CPA6: variants seen among roughly 807,000 people sequenced by gnomAD.
The protein encoded by CPA6 is carboxypeptidase B.
Under a neutral mutation model 63.3 loss-of-function variants are expected in CPA6, and 58 were observed. The observed-to-expected ratio is 0.92, with a 90% CI of 0.74 to 1.14. The LOEUF (loss-of-function observed/expected upper bound fraction) is 1.14. Among genes scored for constraint, CPA6 ranks in the 50% most tolerant of loss-of-function variants. CPA6 has a pLI of 0.00. For synonymous variants in CPA6, 185 were observed against 179.0 expected, an observed-to-expected ratio of 1.03 and a Z score of -0.27; for missense variants, 565 against 526.6, an observed-to-expected ratio of 1.07 and a Z score of -0.71.
intron 2 of CPA6, among the ~76,000 whole-genome samples, chr8:67,555,415 T>C (rs963727610): frequency 1.3e-5 from 2 of 152,070 alleles, no homozygotes; most frequent in African/African-American, 4.8e-5. Flanking sequence ...GAGCTTAGAG[T>C]TGATGAACAT....
chr8:67,716,299 A>C (rs1817380100), intron 1 of CPA6, among the ~76,000 whole-genome samples: 1 of 152,200 alleles, frequency 6.6e-6, no homozygotes, highest in Non-Finnish European at 1.5e-5. Flanking sequence ...TCTAAGTCAC[A>C]GAATGAGATA....
intron 2 of CPA6, among the ~76,000 whole-genome samples, chr8:67,595,665 G>A (rs545221864): frequency 4.6e-5 from 7 of 152,322 alleles, no homozygotes; most frequent in East Asian, 3.9e-4. Context: ...GCGAGACTCC[G>A]TGGGTGTAGG....
chr8:67,736,215 C>A (rs573548822), intron 1 of CPA6, among the ~76,000 whole-genome samples: 2 of 152,308 alleles, frequency 1.3e-5, no homozygotes, highest in East Asian at 3.9e-4. Flanking sequence ...ATTTCTACCA[C>A]CTGGTGTAAA....
intron 1 of CPA6, among the ~76,000 whole-genome samples, chr8:67,645,690 G>T (rs10957394): frequency 6.6e-6 from 1 of 151,986 alleles, no homozygotes; most frequent in Admixed American, 6.5e-5. Flanking sequence ...TTTAAAGCAC[G>T]TAATACCTTT....
intron 3 of CPA6, among the ~76,000 whole-genome samples, chr8:67,513,086 A>G (rs1347893791): frequency 6.6e-6 from 1 of 152,166 alleles, no homozygotes; most frequent in Admixed American, 6.5e-5. Flanking sequence ...ACATTTTAGA[A>G]ATCGAGGTAA....
At chr8:67,729,217 A>C (rs1205930083) in intron 1 of CPA6, among the ~76,000 whole-genome samples, 1 of 152,248 alleles carries the variant, frequency 6.6e-6, no homozygotes, top group Admixed American at 6.5e-5. Flanking sequence ...TTATTTGCAC[A>C]TTAAAATTCA....
chr8:67,565,397 G>T (rs1228312498), intron 2 of CPA6, among the ~76,000 whole-genome samples: 1 of 152,148 alleles, frequency 6.6e-6, no homozygotes, highest in Non-Finnish European at 1.5e-5. Flanking sequence ...GGCAGAGCAT[G>T]GTTATTTCTG....
chr8:67,430,131 ATGTGTGTGTGTGTGTGTG>A (rs58059553), intron 9 of CPA6, among the ~76,000 whole-genome samples: 140 of 128,666 alleles, frequency 1.1e-3, no homozygotes, highest in Non-Finnish European at 3.7e-4. Context: ...GTATATATAT[ATGTGTGTGTGTGTGTGTG>A]TGTGTGTGTG....
At chr8:67,472,015 T>G (rs574130755) in intron 8 of CPA6, among the ~76,000 whole-genome samples, 78 of 152,286 alleles carry the variant, frequency 5.1e-4, no homozygotes, top group Admixed American at 1.9e-3. Flanking sequence ...GGAGGAAAAT[T>G]ATCAGAGAGA....
At chr8:67,471,928 A>C (rs1811067922) in intron 8 of CPA6, among the ~76,000 whole-genome samples, 1 of 152,244 alleles carries the variant, frequency 6.6e-6, no homozygotes, top group South Asian at 2.1e-4. Flanking sequence ...GGACCCAAAA[A>C]ATCAAAGCAC....
intron 1 of CPA6, among the ~76,000 whole-genome samples, chr8:67,745,278 C>T (rs1315452492): frequency 6.6e-6 from 1 of 152,150 alleles, no homozygotes; most frequent in Non-Finnish European, 1.5e-5. Flanking sequence ...TAAGAACGAC[C>T]CCCTGCATAT....
intron 2 of CPA6, among the ~76,000 whole-genome samples, chr8:67,621,304 GT>G (rs1815076211): frequency 6.6e-6 from 1 of 152,154 alleles, no homozygotes; most frequent in Admixed American, 6.5e-5. Context: ...TATATGCTGA[GT>G]TTGGTGAGTC....
At chr8:67,624,801 G>A (rs1394929789) in intron 1 of CPA6, among the ~76,000 whole-genome samples, 20 of 152,068 alleles carry the variant, frequency 1.3e-4, no homozygotes, top group Admixed American at 1.3e-3. Flanking sequence ...CAAACAAGAG[G>A]GCCGTCGGCG....
At chr8:67,547,852 T>G (rs926960203) in intron 2 of CPA6, among the ~76,000 whole-genome samples, 6 of 152,182 alleles carry the variant, frequency 3.9e-5, no homozygotes, top group Admixed American at 2.6e-4. Flanking sequence ...TCATAGTTAA[T>G]TTACAATATT....
chr8:67,591,269 T>C (rs1051813967), intron 2 of CPA6, among the ~76,000 whole-genome samples: 5 of 152,160 alleles, frequency 3.3e-5, no homozygotes, highest in Admixed American at 2.6e-4. Context: ...ACCAGTACCA[T>C]GCTGTTTTGG....
intron 1 of CPA6, among the ~76,000 whole-genome samples, chr8:67,717,901 C>T (rs1817412539): frequency 6.6e-6 from 1 of 152,114 alleles, no homozygotes; most frequent in Non-Finnish European, 1.5e-5. Context: ...GCCTGATTGT[C>T]CCTGAGAGAG....
chr8:67,744,530 G>A (rs964091742), intron 1 of CPA6, among the ~76,000 whole-genome samples: 1 of 152,118 alleles, frequency 6.6e-6, no homozygotes, highest in African/African-American at 2.4e-5. Context: ...AGTGCCACAC[G>A]CTGAAATAAT....
chr8:67,542,670 T>C (rs573741304), intron 2 of CPA6, among the ~76,000 whole-genome samples: 23 of 152,334 alleles, frequency 1.5e-4, no homozygotes, highest in Non-Finnish European at 3.2e-4. Context: ...TCATACATGA[T>C]CCACCCAGCA....
chr8:67,624,258 G>A lies in CPA6; in HGVS notation c.117-7C>T. Reference sequence around the variant, plus strand: ...AAATCTTATCACTTTATCACTACAAGATAAGAAAAGAAAGATGATAATTAC... The same window carrying A: ...AAATCTTATCACTTTATCACTACAAAATAAGAAAAGAAAGATGATAATTAC... On this transcript the variant is annotated splice_region_variant and splice_polypyrimidine_tract_variant and intron_variant, in intron 1 of 10. Transcript: ENST00000297770. 1 of 1,388,038 alleles carries A rather than the reference G, an allele frequency of 7.2e-7. No individual in the cohort carries two copies. Among genetic ancestry groups the A allele is most frequent in the Non-Finnish European group, 1.0e-6 (1 of 986,432 alleles). 86.0% of individuals were successfully genotyped at this position (1,388,038 alleles called of 1,614,324 possible). A position where few individuals can be genotyped will look rare whatever the true frequency, so the allele number is the denominator to read the frequency against.
Sources: gnomAD v4.1 joint callset for allele counts (sites outside exome capture counted in the v4.1 genomes callset) on GRCh38, gnomAD v4.1.1 for gene constraint, MANE v1.5 for transcripts, NCBI Gene and HGNC (gene_info 2026-07-23, HGNC 2026-07-21) for gene names.